SERPINB10: variants seen among roughly 807,000 people sequenced by gnomAD.
SERPINB10 encodes the protein serpin family B member 10.
Under a neutral mutation model 39.1 loss-of-function variants are expected in SERPINB10, and 35 were observed. That is an observed-to-expected ratio of 0.90 (90% confidence interval 0.68 to 1.19). The LOEUF (loss-of-function observed/expected upper bound fraction) is 1.19, where lower values mean the gene tolerates loss of function less well. SERPINB10 is among the 50% of genes most tolerant of loss of function. The probability of loss-of-function intolerance (pLI) is 0.00; values close to 1 mark genes in which losing one functional copy is unlikely to be tolerated. For synonymous variants in SERPINB10, 190 were observed against 158.1 expected, an observed-to-expected ratio of 1.20 and a Z score of -1.52; for missense variants, 546 against 460.5, an observed-to-expected ratio of 1.19 and a Z score of -1.70.
At chr18:63,911,703 G>C (rs1220995802) in intron 1 of SERPINB10, among the ~76,000 whole-genome samples, 4 of 151,976 alleles carry the variant, frequency 2.6e-5, no homozygotes, top group African/African-American at 9.7e-5. Context: ...TTTGAAGTTG[G>C]GTAAAGTGAT....
At chr18:63,916,220 A>C (rs1246137332) in intron 2 of SERPINB10, among the ~76,000 whole-genome samples, 1 of 149,486 alleles carries the variant, frequency 6.7e-6, no homozygotes, top group Non-Finnish European at 1.5e-5. Context: ...AAGCATCCTC[A>C]AAACATTGTG....
At chr18:63,930,902 A>G in intron 6 of SERPINB10, among the ~76,000 whole-genome samples, 1 of 152,168 alleles carries the variant, frequency 6.6e-6, no homozygotes. Flanking sequence ...GGTTTGTTAC[A>G]GTTGTTTAGT....
Position 63,917,494 on chromosome 18 carries a change from C to T in SERPINB10, c.207C>T (p.Asp69=). 1 of 1,578,708 alleles carries T rather than the reference C, an allele frequency of 6.3e-7. No individual in the cohort carries two copies. The highest frequency in any genetic ancestry group is 1.2e-5 in the South Asian group (1 of 85,884). Residue 69 remains aspartate, a synonymous_variant, in exon 3 of 8, where the codon GAC becomes GAT. Coordinates refer to ENST00000238508, the MANE Select transcript of SERPINB10 (RefSeq NM_005024.3). ...QFNRDQGVKC[D]PESEKKRKME... is the part of the protein sequence containing the mutation. The stretch of plus-strand genomic sequence containing the variant: ...ACAGAGACCAGGGAGTCAAATGTGA[C>T]CCTGAAAGTGAAAAAAAAAGGAAAA...
At chr18:63,925,435 G>A (rs146218297) in intron 5 of SERPINB10, among the ~76,000 whole-genome samples, 36 of 152,054 alleles carry the variant, frequency 2.4e-4, no homozygotes, top group Admixed American at 3.9e-4. Flanking sequence ...TGGGACAAGC[G>A]AAGTACAAGA....
rs1438915098 is a variant in SERPINB10, at chr18:63,935,068, T to C, written c.1020T>C (p.Ala340=). ...TTTTGTCCAATGTTTTCCATAAGGC[T>C]TTTGTGGAAATAAATGAACAAGGTA... ...NLFLSNVFHK[A]FVEINEQGTE... is the part of the protein sequence containing the mutation. Residue 340 remains alanine (A), a synonymous_variant, in exon 8 of 8, where the codon GCT becomes GCC. Coordinates refer to ENST00000238508, the MANE Select transcript of SERPINB10 (RefSeq NM_005024.3). The C allele has an allele frequency of 6.2e-7, 1 of 1,614,204 alleles. No homozygotes were observed. The highest frequency in any genetic ancestry group is 8.5e-7 in the Non-Finnish European group (1 of 1,180,042).
chr18:63,931,801 C>G (rs2050224181), intron 6 of SERPINB10, among the ~76,000 whole-genome samples: 1 of 152,134 alleles, frequency 6.6e-6, no homozygotes, highest in African/African-American at 2.4e-5. Flanking sequence ...TGGGTCCACT[C>G]TTGATGTCGT....
chr18:63,934,929 T>C lies in SERPINB10; in HGVS notation c.881T>C (p.Phe294Ser), dbSNP rs1429939010. 8.7e-6 allele frequency: 14 copies of C among 1,614,070 alleles called. No homozygotes were observed. Among genetic ancestry groups the C allele is most frequent in the African/African-American group, 1.3e-5 (1 of 74,920 alleles). The change falls in exon 8 of 8, where the codon TTC becomes TCC. Residue 294 changes from phenylalanine (F) to serine (S), a missense_variant. Coordinates refer to ENST00000238508, the MANE Select transcript of SERPINB10 (RefSeq NM_005024.3). ...LYEVQLHLPKFKLEDSYDLKS... is the reference protein window; with the variant it reads ...LYEVQLHLPKSKLEDSYDLKS... ...GAAGTGCAGCTACACCTTCCCAAGT[T>C]CAAGCTGGAAGACAGTTATGATCTC...
chr18:63,912,702 G>A (rs560228360), intron 1 of SERPINB10, among the ~76,000 whole-genome samples: 1 of 152,048 alleles, frequency 6.6e-6, no homozygotes, highest in Admixed American at 6.6e-5. Flanking sequence ...GAGCATTTTT[G>A]CATCTATGCT....
At chr18:63,927,143 G>C (rs888838316) in intron 5 of SERPINB10, among the ~76,000 whole-genome samples, 3 of 151,434 alleles carry the variant, frequency 2.0e-5, no homozygotes, top group African/African-American at 4.9e-5. Flanking sequence ...GTTAAATAAC[G>C]GTAGTCATAG....
chr18:63,930,233 A>G (rs747576188), intron 6 of SERPINB10, 46 bp downstream of exon 6: 1 of 1,580,900 alleles, frequency 6.3e-7, no homozygotes. Context: ...ATGGCATTGT[A>G]CAAGTGATTC....
At chr18:63,928,037 C>T (rs1301665542) in intron 5 of SERPINB10, among the ~76,000 whole-genome samples, 1 of 151,924 alleles carries the variant, frequency 6.6e-6, no homozygotes, top group Non-Finnish European at 1.5e-5. Context: ...GGGAGGTAAT[C>T]ACTTGAGAGT....
At chr18:63,917,290 C>T (rs558583202) in intron 2 of SERPINB10, among the ~76,000 whole-genome samples, 166 bp from the exon 3 acceptor site, 1 of 152,070 alleles carries the variant, frequency 6.6e-6, no homozygotes, top group Non-Finnish European at 1.5e-5. Flanking sequence ...AAGAGCAGTT[C>T]TTGACTTATT....
intron 6 of SERPINB10, among the ~76,000 whole-genome samples, chr18:63,932,627 A>G (rs1056103326): frequency 6.6e-6 from 1 of 152,048 alleles, no homozygotes; most frequent in African/African-American, 2.4e-5. Flanking sequence ...ATGTTTTGCA[A>G]ATATTTTCTG....
chr18:63,929,734 GAAA>G (rs796777562), intron 5 of SERPINB10, among the ~76,000 whole-genome samples: 3 of 113,852 alleles, frequency 2.6e-5, no homozygotes, highest in Non-Finnish European at 3.7e-5. Flanking sequence ...AAAAAAAAAA[GAAA>G]AAAAAAAAGA....
At chr18:63,933,641 C>T (rs1251304173) in intron 7 of SERPINB10, among the ~76,000 whole-genome samples, 1 of 152,194 alleles carries the variant, frequency 6.6e-6, no homozygotes, top group African/African-American at 2.4e-5. Context: ...CGTACGCAGA[C>T]ATCAAGCTGT....
intron 6 of SERPINB10, among the ~76,000 whole-genome samples, chr18:63,932,443 T>C (rs1376247887): frequency 6.6e-6 from 1 of 152,206 alleles, no homozygotes; most frequent in African/African-American, 2.4e-5. Context: ...GCCATTCTAG[T>C]AGCCGTGTGT....
chr18:63,918,920 A>T (rs1436472013), intron 4 of SERPINB10, among the ~76,000 whole-genome samples: 1 of 151,972 alleles, frequency 6.6e-6, no homozygotes, highest in South Asian at 2.1e-4. Context: ...ACATATTTTT[A>T]TATGTCCACA....
intron 6 of SERPINB10, among the ~76,000 whole-genome samples, chr18:63,930,396 T>C (rs1034480962): frequency 1.3e-5 from 2 of 152,098 alleles, no homozygotes; most frequent in African/African-American, 4.8e-5. Context: ...AATCACTCAG[T>C]CCTTGCCACC....
At chr18:63,932,992 G>A in intron 6 of SERPINB10, 56 bp from the exon 7 acceptor site, 1 of 1,513,898 alleles carries the variant, frequency 6.6e-7, no homozygotes, top group Non-Finnish European at 9.0e-7. Flanking sequence ...AGGAGTTGGT[G>A]GAATACTTCT....
Sources: allele counts gnomAD v4.1 joint callset (sites outside exome capture counted in the v4.1 genomes callset), GRCh38; gene constraint gnomAD v4.1.1; transcripts MANE v1.5; gene names NCBI Gene and HGNC (gene_info 2026-07-23, HGNC 2026-07-21).